The following PPP3CB variants were observed in gnomAD, a reference collection of about 807,000 sequenced individuals.
PPP3CB encodes protein phosphatase 3 catalytic subunit beta, also known as serine/threonine-protein phosphatase 2B catalytic subunit beta isoform.
A neutral mutation model predicts 66.4 loss-of-function variants in PPP3CB; 8 were observed. The observed-to-expected ratio is 0.12, with a 90% confidence interval of 0.07 to 0.22. The LOEUF is 0.22. PPP3CB is among the 10% of genes least tolerant of loss of function. The pLI, the probability that PPP3CB is intolerant of heterozygous loss-of-function variation, is 1.00. For missense variants in PPP3CB, 319 were observed against 642.5 expected (o/e 0.50, Z 5.44); for synonymous variants, 208 against 221.2 (o/e 0.94, Z 0.53).
intron 11 of PPP3CB, among the ~76,000 whole-genome samples, chr10:73,445,302 C>T (rs1241071471): frequency 6.6e-6 from 1 of 152,164 alleles, no homozygotes; most frequent in Non-Finnish European, 1.5e-5. Context: ...TCCCCTCCTT[C>T]TTATCCTGCT....
At chr10:73,450,045 G>A (rs757599078) in intron 10 of PPP3CB, among the ~76,000 whole-genome samples, 14 of 152,072 alleles carry the variant, frequency 9.2e-5, no homozygotes, top group African/African-American at 2.4e-4. Flanking sequence ...TGATCCACCC[G>A]CCTTAGCCTC....
At chr10:73,451,722 T>C (rs372653541) in intron 10 of PPP3CB, among the ~76,000 whole-genome samples, 17 of 148,464 alleles carry the variant, frequency 1.1e-4, no homozygotes, top group African/African-American at 4.0e-4. Flanking sequence ...CTTGGTAACA[T>C]AGGGAAACCT....
At chr10:73,481,582 T>G (rs968935949) in intron 1 of PPP3CB, among the ~76,000 whole-genome samples, 1 of 150,276 alleles carries the variant, frequency 6.7e-6, no homozygotes, top group Non-Finnish European at 1.5e-5. Flanking sequence ...AGCTTGGAAA[T>G]GTACAGAACC....
intron 1 of PPP3CB, among the ~76,000 whole-genome samples, chr10:73,487,184 T>A (rs1376735307): frequency 1.3e-5 from 2 of 151,606 alleles, no homozygotes; most frequent in African/African-American, 4.8e-5. Flanking sequence ...AAACTAGTCA[T>A]CATAGGCTCA....
chr10:73,442,490 T>A (rs59576105), intron 12 of PPP3CB, among the ~76,000 whole-genome samples: 7,093 of 152,302 alleles, frequency 0.047, 506 homozygotes, highest in African/African-American at 0.15. Context: ...TTAAGTATGA[T>A]ACCCTTTTGG....
At chr10:73,478,024 A>C (rs186353102) in intron 3 of PPP3CB, among the ~76,000 whole-genome samples, 27 of 152,348 alleles carry the variant, frequency 1.8e-4, no homozygotes, top group African/African-American at 5.8e-4. Flanking sequence ...ACAAATTAAT[A>C]CTTTCCAAAT....
chr10:73,485,086 C>T (rs1231015562), intron 1 of PPP3CB, among the ~76,000 whole-genome samples: 1 of 152,070 alleles, frequency 6.6e-6, no homozygotes, highest in South Asian at 2.1e-4. Context: ...AAGAGAGCTA[C>T]AAAATCTCCT....
chr10:73,493,758 AAC>A (rs2057116554), intron 1 of PPP3CB, among the ~76,000 whole-genome samples: 1 of 152,198 alleles, frequency 6.6e-6, no homozygotes, highest in African/African-American at 2.4e-5. Flanking sequence ...AGCTTTATTT[AAC>A]TATAATTTTC....
In PPP3CB at chr10:73,454,442, G is replaced by A. The variant is rs764167181; in HGVS notation, c.1156C>T (p.Leu386=). ...AACTGGTCTTCACCTTCAGTCATTA[G>A]TTCATCATCAGAGCAAATACTCAGA... ...NVLSICSDDE[L]MTEGEDQFDG... Residue 386 remains leucine, a synonymous_variant, in exon 10 of 14, where the codon CTA becomes TTA. Coordinates refer to ENST00000360663, the MANE Select transcript of PPP3CB (RefSeq NM_021132.4). 1 of 1,611,920 alleles carries A rather than the reference G, an allele frequency of 6.2e-7. No individual in the cohort carries two copies. Among genetic ancestry groups the A allele is most frequent in the Admixed American group, 1.7e-5 (1 of 59,924 alleles).
At chr10:73,457,545 C>T (rs2132849580) in intron 9 of PPP3CB, among the ~76,000 whole-genome samples, 1 of 151,968 alleles carries the variant, frequency 6.6e-6, no homozygotes, top group Non-Finnish European at 1.5e-5. Context: ...TGAGATCAGC[C>T]TTACCAACAT....
chr10:73,454,268 CA>C, intron 10 of PPP3CB, 143 bp downstream of exon 10: 9 of 434,156 alleles, frequency 2.1e-5, no homozygotes, highest in South Asian at 7.5e-5. Flanking sequence ...TCTTAATATC[CA>C]AAAAAAGTAA....
chr10:73,455,016 A>G (rs138826640), intron 9 of PPP3CB, among the ~76,000 whole-genome samples: 7,064 of 151,528 alleles, frequency 0.047, 495 homozygotes, highest in African/African-American at 0.15. Flanking sequence ...GGGATTACAG[A>G]CACCCATCGT....
intron 9 of PPP3CB, among the ~76,000 whole-genome samples, chr10:73,460,837 G>T (rs568164643): frequency 4.9e-4 from 75 of 152,380 alleles, no homozygotes; most frequent in African/African-American, 1.8e-3. Flanking sequence ...GCAAGTGTAA[G>T]AGTGAATGAA....
At chr10:73,480,506 G>A (rs375782856) in intron 1 of PPP3CB, among the ~76,000 whole-genome samples, 2 of 148,620 alleles carry the variant, frequency 1.3e-5, no homozygotes, top group South Asian at 2.1e-4. Context: ...ATGCAGTGGC[G>A]TGAACTCGGC....
chr10:73,490,793 G>A (rs897049519), intron 1 of PPP3CB, among the ~76,000 whole-genome samples: 3 of 151,362 alleles, frequency 2.0e-5, no homozygotes, highest in African/African-American at 7.3e-5. Context: ...CTGTTCCTTT[G>A]CTTTCACTAG....
chr10:73,495,043 A>C (rs1333895414), intron 1 of PPP3CB, among the ~76,000 whole-genome samples: 2 of 152,310 alleles, frequency 1.3e-5, no homozygotes, highest in South Asian at 2.1e-4. Context: ...GCTGAGAAAC[A>C]TTTAACTTTT....
intron 1 of PPP3CB, among the ~76,000 whole-genome samples, chr10:73,491,971 A>C (rs1486980984): frequency 7.3e-6 from 1 of 137,852 alleles, no homozygotes; most frequent in Admixed American, 6.8e-5. Context: ...CCATCTCAAA[A>C]ATAAATAAAT....
chr10:73,447,347 A>C (rs1297952346), intron 10 of PPP3CB, among the ~76,000 whole-genome samples: 1 of 152,192 alleles, frequency 6.6e-6, no homozygotes, highest in African/African-American at 2.4e-5. Flanking sequence ...CAAAATAACT[A>C]AATCCTTGGC....
intron 12 of PPP3CB, among the ~76,000 whole-genome samples, chr10:73,443,282 A>AAGACAGAC (rs1286657975): frequency 3.4e-4 from 38 of 112,624 alleles, no homozygotes; most frequent in African/African-American, 1.2e-3. Flanking sequence ...GAAAGAAAGA[A>AAGACAGAC]AGACAGAAAG....
Sources: allele counts gnomAD v4.1 joint callset (sites outside exome capture counted in the v4.1 genomes callset), GRCh38; gene constraint gnomAD v4.1.1; transcripts MANE v1.5; gene names NCBI Gene and HGNC (gene_info 2026-07-23, HGNC 2026-07-21).